Variants in FERMT2 observed in about 807,000 individuals in gnomAD.
The protein encoded by FERMT2 is FERM domain containing kindlin 2.
A neutral mutation model predicts 82.7 loss-of-function variants in FERMT2; 15 were observed. That is an observed-to-expected ratio of 0.18 (90% CI 0.12 to 0.28). FERMT2 has a LOEUF of 0.28. Among genes scored for constraint, FERMT2 ranks in the 10% least tolerant of loss-of-function variants. The pLI, the probability that FERMT2 is intolerant of heterozygous loss-of-function variation, is 1.00. For missense variants in FERMT2, 645 were observed against 809.4 expected, an observed-to-expected ratio of 0.80 and a Z score of 2.46; for synonymous variants, 274 against 271.5, an observed-to-expected ratio of 1.01 and a Z score of -0.09.
chr14:52,882,854 G>T (rs1388678430), intron 4 of FERMT2, among the ~76,000 whole-genome samples: 1 of 151,970 alleles, frequency 6.6e-6, no homozygotes, highest in Non-Finnish European at 1.5e-5. Flanking sequence ...CAGGATATTT[G>T]ATTTTATGTC....
chr14:52,880,915 A>AT, intron 6 of FERMT2, 121 bp downstream of exon 6: 1 of 599,846 alleles, frequency 1.7e-6, no homozygotes, highest in East Asian at 2.9e-5. Flanking sequence ...GTTTTTAATA[A>AT]TTATTCAAGA....
rs34411703 is a variant in FERMT2, at chr14:52,946,329, A to C, written c.157+4083T>G. Among the ~76,000 whole-genome samples, 72 of 152,172 alleles carry C rather than the reference A, an allele frequency of 4.7e-4. No homozygotes were observed. The East Asian group carries it at 0.012, about 25-fold the overall frequency. On this transcript the variant is annotated intron_variant, in intron 2 of 14. Coordinates refer to ENST00000341590, the MANE Select transcript of FERMT2 (RefSeq NM_006832.3). ...ATATTTAAAATTTTTCTTTTAAAAAACACTATACACGTTTGAAATTTGTCT... is the reference window on the plus strand; with the variant it reads ...ATATTTAAAATTTTTCTTTTAAAAACCACTATACACGTTTGAAATTTGTCT...
At chr14:52,907,620 C>T (rs1464071560) in intron 3 of FERMT2, among the ~76,000 whole-genome samples, 1 of 152,080 alleles carries the variant, frequency 6.6e-6, no homozygotes, top group Non-Finnish European at 1.5e-5. Context: ...GGTTATTATA[C>T]TATGTGTGAA....
At chr14:52,940,015 G>A (rs145160964) in intron 2 of FERMT2, among the ~76,000 whole-genome samples, 8 of 152,226 alleles carry the variant, frequency 5.3e-5, no homozygotes, top group African/African-American at 1.9e-4. Flanking sequence ...CTGATGCTTT[G>A]AAATTATAAT....
At chr14:52,884,256 G>C (rs754674298) in intron 4 of FERMT2, among the ~76,000 whole-genome samples, 2 of 152,214 alleles carry the variant, frequency 1.3e-5, no homozygotes, top group Non-Finnish European at 2.9e-5. Flanking sequence ...GCAAAGCAAG[G>C]TTAAATAACT....
intron 2 of FERMT2, among the ~76,000 whole-genome samples, chr14:52,927,674 T>C (rs1443082853): frequency 7.7e-6 from 1 of 129,936 alleles, no homozygotes; most frequent in Non-Finnish European, 1.6e-5. Context: ...GAGGCTGAGG[T>C]GGGAGGACCC....
chr14:52,906,395 G>C (rs1311157267), intron 3 of FERMT2, among the ~76,000 whole-genome samples: 3 of 152,196 alleles, frequency 2.0e-5, no homozygotes, highest in Non-Finnish European at 4.4e-5. Context: ...TAAGGCTAAT[G>C]TTGCCTCTGG....
At chr14:52,881,180 A>T (rs1465758250) in intron 5 of FERMT2, 42 bp from the exon 6 acceptor site, 1 of 1,592,478 alleles carries the variant, frequency 6.3e-7, no homozygotes, top group Non-Finnish European at 8.6e-7. Flanking sequence ...ACACAGAATG[A>T]AGACAATATT....
chr14:52,905,464 A>C (rs1887950836), intron 3 of FERMT2, among the ~76,000 whole-genome samples: 1 of 152,176 alleles, frequency 6.6e-6, no homozygotes, highest in Non-Finnish European at 1.5e-5. Flanking sequence ...CTGAATAAAG[A>C]ATGCATTGGA....
intron 2 of FERMT2, among the ~76,000 whole-genome samples, chr14:52,939,057 G>C (rs1349022930): frequency 6.6e-6 from 1 of 151,648 alleles, no homozygotes; most frequent in Non-Finnish European, 1.5e-5. Context: ...GAGTATGTCA[G>C]ACCTATTTGG....
intron 2 of FERMT2, among the ~76,000 whole-genome samples, chr14:52,936,964 G>A (rs1889864736): frequency 6.6e-6 from 1 of 151,776 alleles, no homozygotes; most frequent in African/African-American, 2.4e-5. Flanking sequence ...AGACCAGCCT[G>A]GCCAACATGG....
chr14:52,886,682 T>C (rs1886629481), intron 4 of FERMT2, among the ~76,000 whole-genome samples: 1 of 152,174 alleles, frequency 6.6e-6, no homozygotes, highest in South Asian at 2.1e-4. Flanking sequence ...TATTAGGATC[T>C]CATTTATGTT....
At chr14:52,877,598 T>TTTTTTTTTTTG (rs1886047082) in intron 7 of FERMT2, among the ~76,000 whole-genome samples, 1 of 146,040 alleles carries the variant, frequency 6.8e-6, no homozygotes, top group African/African-American at 2.5e-5. Context: ...TTTTTTTTTT[T>TTTTTTTTTTTG]GCTAACCTCA....
intron 3 of FERMT2, among the ~76,000 whole-genome samples, chr14:52,900,870 T>C (rs754171946): frequency 6.6e-6 from 1 of 152,006 alleles, no homozygotes; most frequent in African/African-American, 2.4e-5. Context: ...ATCTTTTAGA[T>C]AGTGATGTTT....
chr14:52,868,069 T>C (rs1414936444), intron 10 of FERMT2, among the ~76,000 whole-genome samples: 1 of 152,174 alleles, frequency 6.6e-6, no homozygotes, highest in Non-Finnish European at 1.5e-5. Context: ...CAAAAAGCAA[T>C]CTCCTTACCA....
intron 2 of FERMT2, among the ~76,000 whole-genome samples, chr14:52,942,208 A>T (rs1890116481): frequency 7.4e-6 from 1 of 135,890 alleles, no homozygotes; most frequent in Non-Finnish European, 1.6e-5. Flanking sequence ...TGCATAACAC[A>T]AATAGTTTAT....
intron 2 of FERMT2, among the ~76,000 whole-genome samples, chr14:52,928,870 CCTGT>C (rs1267991390): frequency 1.3e-5 from 2 of 152,200 alleles, no homozygotes; most frequent in African/African-American, 4.8e-5. Flanking sequence ...AGTGTCTCTT[CCTGT>C]CTATCTAAAG....
At chr14:52,885,894 T>G (rs1886572150) in intron 4 of FERMT2, among the ~76,000 whole-genome samples, 1 of 151,078 alleles carries the variant, frequency 6.6e-6, no homozygotes, top group Non-Finnish European at 1.5e-5. Context: ...AGAGTAAACC[T>G]AGAACTATAA....
intron 7 of FERMT2, among the ~76,000 whole-genome samples, chr14:52,875,836 C>G (rs1412167342): frequency 3.3e-5 from 5 of 152,180 alleles, no homozygotes; most frequent in African/African-American, 1.2e-4. Context: ...AAAGCTAAAA[C>G]TCCACTTTTT....
Sources: gnomAD v4.1 joint callset for allele counts (sites outside exome capture counted in the v4.1 genomes callset) on GRCh38, gnomAD v4.1.1 for gene constraint, MANE v1.5 for transcripts, NCBI Gene and HGNC (gene_info 2026-07-23, HGNC 2026-07-21) for gene names.